FAM171A2: variants seen among roughly 807,000 people sequenced by gnomAD.
The protein encoded by FAM171A2 is protein FAM171A2.
In FAM171A2, 13 loss-of-function variants were observed where a neutral mutation model predicts 34.2. The observed-to-expected ratio is 0.38, with a 90% CI of 0.25 to 0.60. The LOEUF (loss-of-function observed/expected upper bound fraction) is 0.60, where lower values mean the gene tolerates loss of function less well. FAM171A2 is among the 20% of genes least tolerant of loss of function. The pLI, the probability that FAM171A2 is intolerant of heterozygous loss-of-function variation, is 0.62. For missense variants in FAM171A2, 950 were observed against 1,180.7 expected (o/e 0.80, Z 2.86); for synonymous variants, 475 against 561.2 (o/e 0.85, Z 2.17).
At chr17:44,359,278 C>CGTAT in intron 3 of FAM171A2, 2 of 402,212 alleles carry the variant, frequency 5.0e-6, no homozygotes, top group Non-Finnish European at 9.3e-6. Flanking sequence ...CTGTGTAGAC[C>CGTAT]CATTGAAGAT....
intron 1 of FAM171A2, among the ~76,000 whole-genome samples, chr17:44,361,691 C>G (rs150766148): frequency 6.6e-6 from 1 of 152,186 alleles, no homozygotes; most frequent in African/African-American, 2.4e-5. Flanking sequence ...AGCTGGCACC[C>G]CTTTACTGTT....
In FAM171A2 at chr17:44,353,861, G is replaced by T; in HGVS notation, c.2353C>A (p.Leu785Met). 1 of 1,374,348 alleles carries T rather than the reference G, an allele frequency of 7.3e-7. No individual in the cohort carries two copies. The highest frequency in any genetic ancestry group is 9.4e-7 in the Non-Finnish European group (1 of 1,063,092). 85.1% of individuals were successfully genotyped at this position (1,374,348 alleles called of 1,614,324 possible). The change falls in exon 8 of 8, where the codon CTG (leucine) becomes ATG (methionine). Residue 785 changes from leucine (L) to methionine (M), a missense_variant. Around this residue, in one of 3 missense-constraint regions of FAM171A2, gnomAD observed 191 missense variants for 222.8 expected, o/e 0.86. Coordinates refer to ENST00000293443, the MANE Select transcript of FAM171A2 (RefSeq NM_198475.3). ...GGGCTGGTGAGCGAGTCGCGCCGCAGCTCGCTGGCGCTGCTGCGGGAGCTG... is the reference window on the plus strand; with the variant it reads ...GGGCTGGTGAGCGAGTCGCGCCGCATCTCGCTGGCGCTGCTGCGGGAGCTG... ...GDSSRSSASE[L>M]RRDSLTSPED... is the part of the protein sequence containing the mutation.
chr17:44,353,770 C>T lies in FAM171A2; in HGVS notation c.2444G>A (p.Arg815Gln). The T allele has an allele frequency of 6.3e-6, 9 of 1,436,108 alleles. No homozygotes were observed. The highest frequency in any genetic ancestry group is 8.2e-6 in the Non-Finnish European group (9 of 1,095,452). 89.0% of individuals were successfully genotyped at this position (1,436,108 alleles called of 1,614,324 possible). Reference protein sequence around the residue: ...AGDKKSPWQRREERPLMVFNV... With the variant: ...AGDKKSPWQRQEERPLMVFNV... ...GAACACCATCAGCGGCCGCTCCTCC[C>T]GCCGCTGCCACGGGCTCTTCTTGTC... is the stretch of plus-strand genomic sequence containing the variant. Residue 815 changes from arginine to glutamine, a missense_variant, in exon 8 of 8, where the codon CGG becomes CAG. Physicochemically the swap from Arg to Gln is conservative, Grantham distance 43. This residue lies in a region of FAM171A2 where 191 missense variants were observed against 222.8 expected (regional missense o/e 0.86). Transcript: ENST00000293443.
chr17:44,360,079 G>A lies in FAM171A2; in HGVS notation c.172C>T (p.Arg58Trp), dbSNP rs756139352. 1.2e-4 allele frequency: 185 copies of A among 1,551,592 alleles called. 1 individual carries two copies. The highest frequency in any genetic ancestry group is 1.5e-4 in the Non-Finnish European group (177 of 1,147,010). Residue 58 changes from arginine to tryptophan, a missense_variant, in exon 2 of 8, where the codon CGG becomes TGG. By Grantham distance (101) the Arg-to-Trp change is moderately radical. Coordinates refer to ENST00000293443, the MANE Select transcript of FAM171A2 (RefSeq NM_198475.3). Reference sequence around the variant, plus strand: ...TTCCCAAACACATCCACTGAGGCCCGGGCCAGGGGCACCAGCTCCCCGCTC... The same window carrying A: ...TTCCCAAACACATCCACTGAGGCCCAGGCCAGGGGCACCAGCTCCCCGCTC... ...YVSGELVPLA[R>W]ASVDVFGNRT...
At chr17:44,363,572 G>A in intron 1 of FAM171A2, 25 bp downstream of exon 1, 1 of 1,162,804 alleles carries the variant, frequency 8.6e-7, no homozygotes, top group Non-Finnish European at 1.1e-6. Flanking sequence ...GCCCGCGATC[G>A]CGGCCCCTCC....
intron 1 of FAM171A2, 110 bp from the exon 2 acceptor site, chr17:44,360,242 G>A (rs1166842107): frequency 2.2e-6 from 2 of 898,058 alleles, no homozygotes; most frequent in Non-Finnish European, 3.4e-6. Flanking sequence ...CTTTTGGGCT[G>A]AGGCTAGAGA....
intron 3 of FAM171A2, among the ~76,000 whole-genome samples, chr17:44,357,153 G>T (rs1352737508): frequency 6.6e-6 from 1 of 152,084 alleles, no homozygotes; most frequent in Non-Finnish European, 1.5e-5. Context: ...TTGGAGACCA[G>T]CCTGACCAAC....
At chr17:44,363,369 C>T (rs1472631659) in intron 1 of FAM171A2, among the ~76,000 whole-genome samples, 1 of 152,152 alleles carries the variant, frequency 6.6e-6, no homozygotes, top group Non-Finnish European at 1.5e-5. Flanking sequence ...TGGGGACCCT[C>T]GCACTACCCA....
chr17:44,356,120 A>C, intron 5 of FAM171A2, 46 bp from the exon 6 acceptor site: 1 of 1,522,856 alleles, frequency 6.6e-7, no homozygotes, highest in Non-Finnish European at 8.9e-7. Context: ...CTCCCACTCA[A>C]GTCCCACTTT....
rs1393901321 is a variant in FAM171A2, at chr17:44,359,581, G to A, written c.437C>T (p.Pro146Leu). ...EDLVHILLGS[P>L]GARSQPLVQF... ...GCGTGGGTGAGGGGGAGCCTTACCG[G>A]GAGAGCCTAGGAGAATGTGCACCAG... The change falls in exon 3 of 8, where the codon CCC becomes CTC. Residue 146 changes from proline to leucine, a missense_variant and splice_region_variant. Pro to Leu is a moderately conservative substitution (Grantham distance 98, BLOSUM62 -3). Coordinates refer to ENST00000293443, the MANE Select transcript of FAM171A2 (RefSeq NM_198475.3). 6.4e-7 allele frequency: 1 copy of A among 1,551,186 alleles called. No homozygotes were observed. Among genetic ancestry groups the A allele is most frequent in the African/African-American group, 1.4e-5 (1 of 73,118 alleles).
chr17:44,355,131 G>A lies in FAM171A2; in HGVS notation c.1083C>T (p.Asp361=). ...HRKLQLSGPS[D]GNKRDQATSM... Reference sequence around the variant, plus strand: ...AGGTGGCCTGGTCTCGTTTGTTACCGTCAGAGGGCCCCGAGAGCTGCAGCT... The same window carrying A: ...AGGTGGCCTGGTCTCGTTTGTTACCATCAGAGGGCCCCGAGAGCTGCAGCT... The change falls in exon 8 of 8, where the codon GAC becomes GAT. Residue 361 remains aspartate (D), a synonymous_variant. Transcript: ENST00000293443. The surrounding 1 kb of genome is among the most constrained non-coding windows in gnomAD (Gnocchi z 4.1). 6.4e-7 allele frequency: 1 copy of A among 1,551,072 alleles called. No homozygotes were observed. The highest frequency in any genetic ancestry group is 8.7e-7 in the Non-Finnish European group (1 of 1,146,942).
intron 1 of FAM171A2, among the ~76,000 whole-genome samples, chr17:44,362,203 C>A (rs1007466184): frequency 1.3e-5 from 2 of 152,110 alleles, no homozygotes; most frequent in African/African-American, 4.8e-5. Context: ...TGGCTCTATT[C>A]CAGCCAATTC....
rs956368121 is a variant in FAM171A2, at chr17:44,354,824, GC to G, written c.1389del (p.Ser465ArgfsTer77). ...TGCAGGAAGGCCGCAGCCCCCGAGG[GC>G]CCCCGCCGGTGCTCCTCTAGGCCGG... ...LEPGLEEHRR[G>X]PSGAAAFLHE... On this transcript the variant is annotated frameshift_variant, in exon 8 of 8. Transcript: ENST00000293443. LOFTEE classifies it low-confidence loss of function (END_TRUNC). The surrounding 1 kb of genome is among the most constrained non-coding windows in gnomAD (Gnocchi z 5.8). The G allele has an allele frequency of 3.1e-6, 4 of 1,280,908 alleles. No homozygotes were observed. The highest frequency in any genetic ancestry group is 1.6e-5 in the African/African-American group (1 of 64,208). 79.3% of individuals were successfully genotyped at this position (1,280,908 alleles called of 1,614,324 possible).
In FAM171A2 at chr17:44,353,475, G is replaced by C; in HGVS notation, c.*258C>G. 1 of 220,998 alleles carries C rather than the reference G, an allele frequency of 4.5e-6. No homozygotes were observed. Among genetic ancestry groups the C allele is most frequent in the Non-Finnish European group, 8.8e-6 (1 of 114,028 alleles). The allele number at this position is 220,998 out of a possible 1,614,324, so 13.7% of individuals were successfully genotyped here. A position where few individuals can be genotyped will look rare whatever the true frequency, so the allele number is the denominator to read the frequency against. On this transcript the variant is annotated 3_prime_UTR_variant, in exon 8 of 8. Transcript: ENST00000293443. ...TTCTATGTACAGCCACGTCTACACA[G>C]GCACTGCTTCCCCCCAGCCCTCCTC...
Position 44,353,736 on chromosome 17 carries a change from C to T in FAM171A2, c.2478G>A (p.Lys826=). 7.1e-7 allele frequency: 1 copy of T among 1,412,612 alleles called. No individual in the cohort carries two copies. The highest frequency in any genetic ancestry group is 9.2e-7 in the Non-Finnish European group (1 of 1,081,336). The allele number at this position is 1,412,612 out of a possible 1,614,324, so 87.5% of individuals were successfully genotyped here. ...EERPLMVFNV[K] is the part of the protein sequence containing the mutation. ...GGTGCCAGGCCCTGCGCGGGCGCTA[C>T]TTGACGTTGAACACCATCAGCGGCC... Residue 826 remains lysine (K), a synonymous_variant, in exon 8 of 8, where the codon AAG becomes AAA. Transcript: ENST00000293443.
At position 44,356,255 on chromosome 17, in the gene FAM171A2, G is replaced by A. The variant is rs1472040349; in HGVS notation, c.696C>T (p.His232=). 2 of 1,551,558 alleles carry A rather than the reference G, an allele frequency of 1.3e-6. No individual in the cohort carries two copies. Among genetic ancestry groups the A allele is most frequent in the Non-Finnish European group, 8.7e-7 (1 of 1,146,942 alleles). Reference sequence around the variant, plus strand: ...TCTCGGAGGGCACGGGCAGGGACAGGTGAATGGGGCCTGAGAGCGGCACCT... The same window carrying A: ...TCTCGGAGGGCACGGGCAGGGACAGATGAATGGGGCCTGAGAGCGGCACCT... ...GTEVPLSGPI[H]LSLPVPSETR... The change falls in exon 5 of 8, where the codon CAC becomes CAT. Residue 232 remains histidine (H), a synonymous_variant. Transcript: ENST00000293443.
At chr17:44,361,705 TTGCACATTTGATGTGA>T (rs1438232887) in intron 1 of FAM171A2, among the ~76,000 whole-genome samples, 34 of 152,348 alleles carry the variant, frequency 2.2e-4, no homozygotes, top group African/African-American at 7.5e-4. Flanking sequence ...TACTGTTTTT[TTGCACATTTGATGTGA>T]TTTAATTCTT....
At position 44,359,633 on chromosome 17, in the gene FAM171A2, G is replaced by C; in HGVS notation, c.385C>G (p.Pro129Ala). 7 of 1,551,016 alleles carry C rather than the reference G, an allele frequency of 4.5e-6. No individual in the cohort carries two copies. The highest frequency in any genetic ancestry group is 6.1e-6 in the Non-Finnish European group (7 of 1,146,936). Residue 129 changes from proline (P) to alanine (A), a missense_variant, in exon 3 of 8, where the codon CCG becomes GCG. Transcript: ENST00000293443. Reference sequence around the variant, plus strand: ...TCCTCATAGAGGATGAGCGTGGCCGGCCGCTCAGGGAGCAGGTAGAGGCTG... The same window carrying C: ...TCCTCATAGAGGATGAGCGTGGCCGCCCGCTCAGGGAGCAGGTAGAGGCTG... ...SVSLYLLPERPATLILYEDLV... is the reference protein window; with the variant it reads ...SVSLYLLPERAATLILYEDLV...
In FAM171A2 at chr17:44,355,818, T is replaced by G; in HGVS notation, c.919A>C (p.Ile307Leu). 3 of 1,551,698 alleles carry G rather than the reference T, an allele frequency of 1.9e-6. No homozygotes were observed. The highest frequency in any genetic ancestry group is 2.6e-6 in the Non-Finnish European group (3 of 1,146,998). The change falls in exon 7 of 8, where the codon ATC becomes CTC. Residue 307 changes from isoleucine (I) to leucine (L), a missense_variant. Ile to Leu is a conservative substitution (Grantham distance 5). Transcript: ENST00000293443. The surrounding 1 kb of genome is among the most constrained non-coding windows in gnomAD (Gnocchi z 4.1). Reference sequence around the variant, plus strand: ...GTGTGGTAGGTGCCGATGTCCTGGATGCCCGACGTGATGGTGACCAGCCCT... The same window carrying G: ...GTGTGGTAGGTGCCGATGTCCTGGAGGCCCGACGTGATGGTGACCAGCCCT... ...TAGLVTITSG[I>L]QDIGTYHTIF...
Sources: allele counts gnomAD v4.1 joint callset (sites outside exome capture counted in the v4.1 genomes callset), GRCh38; gene constraint gnomAD v4.1.1; regional missense constraint gnomAD v4.1.1; non-coding constraint Gnocchi (gnomAD v3.1); transcripts MANE v1.5; gene names NCBI Gene and HGNC (gene_info 2026-07-23, HGNC 2026-07-21).